KCTD1: variants seen among roughly 807,000 people sequenced by gnomAD.
The protein encoded by KCTD1 is potassium channel tetramerization domain containing 1.
KCTD1 carries 24 observed loss-of-function variants against 66.0 expected under a neutral mutation model. That is an observed-to-expected ratio of 0.36 (90% confidence interval 0.26 to 0.51). The LOEUF is 0.51. KCTD1 is among the 20% of genes least tolerant of loss of function. The pLI is 0.95. For synonymous variants in KCTD1, 511 were observed against 517.2 expected, an observed-to-expected ratio of 0.99 and a Z score of 0.16; for missense variants, 943 against 1,205.2, an observed-to-expected ratio of 0.78 and a Z score of 3.22.
At chr18:26,615,706 T>C (rs1987234598) in intron 1 of KCTD1, among the ~76,000 whole-genome samples, 1 of 152,220 alleles carries the variant, frequency 6.6e-6, no homozygotes. Context: ...GGCATGTTTT[T>C]ATTGGTTGGA....
chr18:26,631,773 G>A (rs1286231353), upstream of KCTD1, among the ~76,000 whole-genome samples: 1 of 152,178 alleles, frequency 6.6e-6, no homozygotes, highest in Non-Finnish European at 1.5e-5. Context: ...TCATGGCCGG[G>A]CGCGGTGGCT....
chr18:26,530,417 A>G (rs1984380347), intron 1 of KCTD1, among the ~76,000 whole-genome samples: 2 of 152,204 alleles, frequency 1.3e-5, no homozygotes, highest in Non-Finnish European at 2.9e-5. Context: ...CAGAGAGGAA[A>G]AGGACATCCA....
At chr18:26,529,321 A>G (rs1339226111) in intron 1 of KCTD1, among the ~76,000 whole-genome samples, 1 of 152,190 alleles carries the variant, frequency 6.6e-6, no homozygotes, top group Non-Finnish European at 1.5e-5. Flanking sequence ...ATGAGGCTTG[A>G]AACCTTTAAA....
chr18:26,505,698 A>C (rs575951803), intron 1 of KCTD1, among the ~76,000 whole-genome samples: 1 of 152,256 alleles, frequency 6.6e-6, no homozygotes, highest in African/African-American at 2.4e-5. Flanking sequence ...CTAGGACTAC[A>C]AGTGTGCACC....
chr18:26,484,423 T>C (rs1253636163), intron 2 of KCTD1, among the ~76,000 whole-genome samples: 2 of 152,104 alleles, frequency 1.3e-5, no homozygotes, highest in African/African-American at 2.4e-5. Context: ...GTTTGAAATA[T>C]AAGAAAAAGT....
At chr18:26,482,486 A>G (rs968446059) in intron 2 of KCTD1, among the ~76,000 whole-genome samples, 5 of 151,982 alleles carry the variant, frequency 3.3e-5, no homozygotes, top group Non-Finnish European at 5.9e-5. Flanking sequence ...CTTACCTTGC[A>G]GCTCTTGTTC....
Position 26,547,121 on chromosome 18 carries a change from G to GC in KCTD1, c.1415dup (p.Ser473LeufsTer144). On this transcript the variant is annotated frameshift_variant, in exon 1 of 5. Transcript: ENST00000580059. LOFTEE classifies it high-confidence loss of function. ...CGTAGCAGCCCTGCGGGGCGGGCGA[G>GC]CCCAGCTTGGTGCCAATGCCCGCGA... 1 of 1,550,204 alleles carries GC rather than the reference G, an allele frequency of 6.5e-7. No individual in the cohort carries two copies.
At chr18:26,581,800 T>C (rs189279298) in intron 1 of KCTD1, 1 of 152,252 alleles carries the variant, frequency 6.6e-6, no homozygotes, top group South Asian at 2.1e-4. Context: ...GGGAGCTATA[T>C]AAAATATATA....
At position 26,548,216 on chromosome 18, in the gene KCTD1, G is replaced by T; in HGVS notation, c.321C>A (p.Pro107=). 6.6e-7 allele frequency: 1 copy of T among 1,507,206 alleles called. No homozygotes were observed. The highest frequency in any genetic ancestry group is 8.8e-7 in the Non-Finnish European group (1 of 1,131,516). 93.4% of individuals were successfully genotyped at this position (1,507,206 alleles called of 1,614,324 possible). Residue 107 remains proline, a synonymous_variant, in exon 1 of 5, where the codon CCC becomes CCA. Coordinates refer to ENST00000580059, the MANE Select transcript of KCTD1 (RefSeq NM_001142730.3). Reference sequence around the variant, plus strand: ...CCAGCTCCTCCCCGGCCGAGTCCTCGGGCTCCAGGGGCTCGTCCCAGTCCA... The same window carrying T: ...CCAGCTCCTCCCCGGCCGAGTCCTCTGGCTCCAGGGGCTCGTCCCAGTCCA... ...MGLDWDEPLE[P]EDSAGEELEP... is the part of the protein sequence containing the mutation.
At chr18:26,620,833 CT>C (rs67862567) in intron 1 of KCTD1, among the ~76,000 whole-genome samples, 39,024 of 117,836 alleles carry the variant, frequency 0.33, 4,468 homozygotes, top group East Asian at 0.44. Flanking sequence ...ACTTGAAAAG[CT>C]TTTTTTTTTT....
At position 26,548,542 on chromosome 18, in the gene KCTD1, C is replaced by G. The variant is rs767430176; in HGVS notation, c.-6G>C. 2.6e-5 allele frequency: 32 copies of G among 1,232,780 alleles called. No individual in the cohort carries two copies. The African/African-American group carries it at 2.7e-4, about 10-fold the overall frequency. 76.4% of individuals were successfully genotyped at this position (1,232,780 alleles called of 1,614,324 possible). A position where few individuals can be genotyped will look rare whatever the true frequency, so the allele number is the denominator to read the frequency against. On this transcript the variant is annotated 5_prime_UTR_variant, in exon 1 of 5. Coordinates refer to ENST00000580059, the MANE Select transcript of KCTD1 (RefSeq NM_001142730.3). ...CTGCCAGGCATTCTCGCCATATTGC[C>G]GTCTCTCTGCCAGTCCTCGGGCAGG...
rs558597360 is a variant in KCTD1, at chr18:26,504,501, G to T, written c.1810-3251C>A. Among the ~76,000 whole-genome samples, 12 of 152,216 alleles carry T rather than the reference G, an allele frequency of 7.9e-5. No individual in the cohort carries two copies. The East Asian group carries it at 2.3e-3, about 29-fold the overall frequency. ...CCTGCCTCGGCCTCCAAAGTGTTGG[G>T]ATTACAGGCATGAGCTACCACATCT... is the stretch of plus-strand genomic sequence containing the variant. On this transcript the variant is annotated intron_variant, in intron 1 of 4. Coordinates refer to ENST00000580059, the MANE Select transcript of KCTD1 (RefSeq NM_001142730.3).
chr18:26,527,969 GA>G (rs1173657653), intron 1 of KCTD1, among the ~76,000 whole-genome samples: 1 of 152,128 alleles, frequency 6.6e-6, no homozygotes, highest in African/African-American at 2.4e-5. Context: ...CTGAAATCTA[GA>G]AACTCTCTCT....
At chr18:26,499,652 G>A (rs1044676266) in intron 2 of KCTD1, among the ~76,000 whole-genome samples, 17 of 152,120 alleles carry the variant, frequency 1.1e-4, no homozygotes, top group African/African-American at 3.9e-4. Context: ...CAAAAAGTCG[G>A]CCTTCATGTA....
intron 1 of KCTD1, among the ~76,000 whole-genome samples, chr18:26,586,301 T>C (rs948851232): frequency 6.6e-6 from 1 of 152,184 alleles, no homozygotes; most frequent in African/African-American, 2.4e-5. Context: ...TGACTTGATA[T>C]TACTATTGCA....
intron 1 of KCTD1, among the ~76,000 whole-genome samples, chr18:26,513,181 G>A (rs896755539): frequency 2.7e-5 from 4 of 149,234 alleles, no homozygotes; most frequent in Non-Finnish European, 5.9e-5. Context: ...TCCGCCTCCC[G>A]GGTTCACGCC....
rs528176270 is a variant in KCTD1, at chr18:26,502,643, G to T, written c.1810-1393C>A. 3.9e-5 allele frequency among the ~76,000 whole-genome samples: 6 copies of T among 152,278 alleles called. No individual in the cohort carries two copies. In the South Asian group the frequency reaches 8.3e-4, roughly 21 times the overall value. ...GATAGGTCTCTGGTATTCAATGAAG[G>T]GGTCAAACATTTAGAGTATCTAACT... On this transcript the variant is annotated intron_variant, in intron 1 of 4. Coordinates refer to ENST00000580059, the MANE Select transcript of KCTD1 (RefSeq NM_001142730.3).
At chr18:26,627,618 A>G (rs898793576) in intron 1 of KCTD1, among the ~76,000 whole-genome samples, 2 of 152,206 alleles carry the variant, frequency 1.3e-5, no homozygotes, top group East Asian at 3.9e-4. Context: ...GAAGCTATGT[A>G]TCTTTGGCCA....
Position 26,546,772 on chromosome 18 carries a change from T to TGTG in KCTD1, c.1764_1765insCAC (p.Thr588_Asn589insHis). ...GCAGGTGAAACTATTGTGGGAGAATTGGTGCTTCTGTGCCCATTGGCTTCT... is the reference window on the plus strand; with the variant it reads ...GCAGGTGAAACTATTGTGGGAGAATTGTGGGTGCTTCTGTGCCCATTGGCTTCT... On this transcript the variant is annotated inframe_insertion, in exon 1 of 5. Coordinates refer to ENST00000580059, the MANE Select transcript of KCTD1 (RefSeq NM_001142730.3). 1 of 1,550,150 alleles carries TGTG rather than the reference T, an allele frequency of 6.5e-7. No individual in the cohort carries two copies. The highest frequency in any genetic ancestry group is 8.7e-7 in the Non-Finnish European group (1 of 1,146,470).
Sources: gnomAD v4.1 joint callset for allele counts (sites outside exome capture counted in the v4.1 genomes callset) on GRCh38, gnomAD v4.1.1 for gene constraint, MANE v1.5 for transcripts, NCBI Gene and HGNC (gene_info 2026-07-23, HGNC 2026-07-21) for gene names.